The following SRP14 variants were observed in gnomAD, a reference collection of about 807,000 sequenced individuals.
SRP14 encodes signal recognition particle 14.
SRP14 carries 1 observed loss-of-function variant against 16.0 expected under a neutral mutation model. The observed-to-expected ratio is 0.06, with a 90% CI of 0.02 to 0.30. The LOEUF (loss-of-function observed/expected upper bound fraction) is 0.30. SRP14 is among the 10% of genes least tolerant of loss of function. The pLI, the probability that SRP14 is intolerant of heterozygous loss-of-function variation, is 1.00. For missense variants in SRP14, 120 were observed against 163.1 expected (o/e 0.74, Z 1.44); for synonymous variants, 67 against 60.1 (o/e 1.12, Z -0.53).
Position 40,039,076 on chromosome 15 carries a change from G to A in SRP14, c.24+17C>T. The stretch of plus-strand genomic sequence containing the variant: ...CTGAGCCGCCCCCTTCCCTCGGCCG[G>A]CCAGGCCTAGCCATACCTGCTCGCT... On this transcript the variant is annotated intron_variant, in intron 1 of 4. Transcript: ENST00000267884. 1 of 1,607,066 alleles carries A rather than the reference G, an allele frequency of 6.2e-7. No homozygotes were observed. Among genetic ancestry groups the A allele is most frequent in the Non-Finnish European group, 8.5e-7 (1 of 1,177,696 alleles).
At position 40,035,958 on chromosome 15, in the gene SRP14, A is replaced by G. The variant is rs572214633; in HGVS notation, c.*375T>C. 1.3e-4 allele frequency: 25 copies of G among 198,270 alleles called. No individual in the cohort carries two copies. In the East Asian group the frequency reaches 3.1e-3, roughly 25 times the overall value. 12.3% of individuals were successfully genotyped at this position (198,270 alleles called of 1,614,324 possible). On this transcript the variant is annotated 3_prime_UTR_variant, in exon 5 of 5. Coordinates refer to ENST00000267884, the MANE Select transcript of SRP14 (RefSeq NM_003134.6). Reference sequence around the variant, plus strand: ...AGAAGATATTATAGAGCTAAAGCCTATTCATTAATCACATCATTCTAGATT... The same window carrying G: ...AGAAGATATTATAGAGCTAAAGCCTGTTCATTAATCACATCATTCTAGATT...
chr15:40,037,278 G>GTAAAAAAAAAAAA, intron 3 of SRP14: 10 of 193,432 alleles, frequency 5.2e-5, no homozygotes, highest in African/African-American at 4.6e-4. Context: ...CTCCTTTTGG[G>GTAAAAAAAAAAAA]GAAAAAAAAA....
In SRP14 at chr15:40,036,388, G is replaced by A. The variant is rs1174955857; in HGVS notation, c.356C>T (p.Ala119Val). Residue 119 changes from alanine to valine, a missense_variant, in exon 5 of 5, where the codon GCA (alanine) becomes GTA (valine). Coordinates refer to ENST00000267884, the MANE Select transcript of SRP14 (RefSeq NM_003134.6). ...AAAAAAAAPA[A>V]AATAPTTAAT... ...TGCTGTTGTTGGTGCTGTTGCTGCTGCGGCAGGTGCTGCTGCTGCTGCTGC... is the reference window on the plus strand; with the variant it reads ...TGCTGTTGTTGGTGCTGTTGCTGCTACGGCAGGTGCTGCTGCTGCTGCTGC... The A allele has an allele frequency of 7.4e-6, 12 of 1,613,572 alleles. No individual in the cohort carries two copies. Among genetic ancestry groups the A allele is most frequent in the Non-Finnish European group, 1.0e-5 (12 of 1,179,656 alleles).
In SRP14 at chr15:40,036,051, A is replaced by T. The variant is rs1436996658; in HGVS notation, c.*282T>A. 3 of 470,846 alleles carry T rather than the reference A, an allele frequency of 6.4e-6. No individual in the cohort carries two copies. Among genetic ancestry groups the T allele is most frequent in the Admixed American group, 3.7e-5 (1 of 26,998 alleles). The allele number at this position is 470,846 out of a possible 1,614,324, so 29.2% of individuals were successfully genotyped here. ...ATAAAGAGACAGTGCTGATAAACAG[A>T]CATGTTTAATGATAGCTTGCTCTTC... is the stretch of plus-strand genomic sequence containing the variant. On this transcript the variant is annotated 3_prime_UTR_variant, in exon 5 of 5. Transcript: ENST00000267884.
At chr15:40,038,197 A>G (rs2035659878) in intron 3 of SRP14, 85 bp downstream of exon 3, 2 of 1,133,488 alleles carry the variant, frequency 1.8e-6, no homozygotes, top group East Asian at 2.3e-5. Flanking sequence ...GGAAAAACAA[A>G]TAAAAGCCTG....
chr15:40,038,412 T>G lies in SRP14; in HGVS notation c.98-18A>C. On this transcript the variant is annotated intron_variant, in intron 2 of 4. Coordinates refer to ENST00000267884, the MANE Select transcript of SRP14 (RefSeq NM_003134.6). The stretch of plus-strand genomic sequence containing the variant: ...ACCGTCATCTGAAGGAAAAAATGCA[T>G]CCTGGTGAACACGGCCGCGTACGTG... The G allele has an allele frequency of 1.3e-6, 2 of 1,566,552 alleles. No homozygotes were observed. Among genetic ancestry groups the G allele is most frequent in the Non-Finnish European group, 1.8e-6 (2 of 1,136,614 alleles).
Position 40,037,370 on chromosome 15 carries a change from A to G in SRP14, c.211-352T>C, listed in dbSNP as rs767523062. ...CTCCCTGGGTTCTGAGAAAAGTCAG[A>G]GGACTTCTCAGTATTAATTTTTTAT... On this transcript the variant is annotated intron_variant, in intron 3 of 4. Transcript: ENST00000267884. 1.6e-5 allele frequency: 20 copies of G among 1,279,272 alleles called. No homozygotes were observed. In the South Asian group the frequency reaches 2.8e-4, roughly 18 times the overall value. 79.2% of individuals were successfully genotyped at this position (1,279,272 alleles called of 1,614,324 possible).
intron 2 of SRP14, 106 bp downstream of exon 2, chr15:40,038,770 G>T: frequency 8.2e-7 from 1 of 1,222,322 alleles, no homozygotes; most frequent in Non-Finnish European, 1.2e-6. Context: ...TCAGTACAGG[G>T]TGGGGAAAGG....
chr15:40,039,142 C>A lies in SRP14; in HGVS notation c.-26G>T. On this transcript the variant is annotated 5_prime_UTR_variant, in exon 1 of 5. Coordinates refer to ENST00000267884, the MANE Select transcript of SRP14 (RefSeq NM_003134.6). ...CGCGGCGACGCTGGCTCGACTCCCT[C>A]CGCTTAAGCCCCTAGCAGTGAGAGC... is the stretch of plus-strand genomic sequence containing the variant. 1.2e-6 allele frequency: 2 copies of A among 1,605,836 alleles called. No individual in the cohort carries two copies. Among genetic ancestry groups the A allele is most frequent in the Non-Finnish European group, 1.7e-6 (2 of 1,177,522 alleles).
chr15:40,037,279 G>GGAA lies in SRP14; in HGVS notation c.211-262_211-261insTTC, dbSNP rs1555424355. On this transcript the variant is annotated intron_variant, in intron 3 of 4. Coordinates refer to ENST00000267884, the MANE Select transcript of SRP14 (RefSeq NM_003134.6). ...TGAAAGGCAGTAGGCTCCTTTTGGG[G>GGAA]AAAAAAAAAAAAAAAGCTTTGTTTC... 5.6e-5 allele frequency: 42 copies of GGAA among 749,976 alleles called. No individual in the cohort carries two copies. The African/African-American group carries it at 5.7e-4, about 10-fold the overall frequency. The allele number at this position is 749,976 out of a possible 1,614,324, so 46.5% of individuals were successfully genotyped here.
At chr15:40,038,203 GC>G in intron 3 of SRP14, 78 bp downstream of exon 3, 1 of 1,163,664 alleles carries the variant, frequency 8.6e-7, no homozygotes, top group South Asian at 1.3e-5. Context: ...ACAAATAAAA[GC>G]CTGGTTCAGA....
intron 3 of SRP14, chr15:40,037,358 G>C (rs774510546): frequency 1.3e-5 from 17 of 1,293,104 alleles, no homozygotes; most frequent in Middle Eastern, 2.1e-4. Flanking sequence ...CCTGGGTTCT[G>C]AGAAAAGTCA....
intron 2 of SRP14, 74 bp downstream of exon 2, chr15:40,038,802 G>C: frequency 6.5e-7 from 1 of 1,529,868 alleles, no homozygotes; most frequent in East Asian, 2.3e-5. Flanking sequence ...GGCGGTCCGC[G>C]GCAGACAGAC....
chr15:40,038,696 C>G, intron 2 of SRP14, 180 bp downstream of exon 2: 1 of 671,364 alleles, frequency 1.5e-6, no homozygotes, highest in Non-Finnish European at 2.5e-6. Context: ...CTAGGCGGCT[C>G]AGTGCTGGGG....
At chr15:40,038,705 G>C in intron 2 of SRP14, 171 bp downstream of exon 2, 1 of 710,578 alleles carries the variant, frequency 1.4e-6, no homozygotes, top group Non-Finnish European at 2.3e-6. Flanking sequence ...TCAGTGCTGG[G>C]GACTGAGCCA....
Position 40,038,935 on chromosome 15 carries a change from A to T in SRP14, c.38T>A (p.Leu13Gln). Residue 13 changes from leucine (L) to glutamine (Q), a missense_variant, in exon 2 of 5, where the codon CTG becomes CAG. Physicochemically the swap from Leu to Gln is moderately radical, Grantham distance 113. Transcript: ENST00000267884. ...LLESEQFLTE[L>Q]TRLFQKCRTS... is the part of the protein sequence containing the mutation. Reference sequence around the variant, plus strand: ...CCGGCACTTCTGGAAAAGTCTGGTCAGCTCCGTCAGGAACTGGAAAACAAC... The same window carrying T: ...CCGGCACTTCTGGAAAAGTCTGGTCTGCTCCGTCAGGAACTGGAAAACAAC... The T allele has an allele frequency of 6.2e-7, 1 of 1,612,802 alleles. No homozygotes were observed. The highest frequency in any genetic ancestry group is 8.5e-7 in the Non-Finnish European group (1 of 1,179,488).
chr15:40,036,138 A>G lies in SRP14; in HGVS notation c.*195T>C. ...AGGAGTATATAACCATGCAGCACAG[A>G]CCAATTAGCCAAATGCAAAATAAAC... is the stretch of plus-strand genomic sequence containing the variant. On this transcript the variant is annotated 3_prime_UTR_variant, in exon 5 of 5. Coordinates refer to ENST00000267884, the MANE Select transcript of SRP14 (RefSeq NM_003134.6). The G allele has an allele frequency of 2.2e-6, 2 of 928,316 alleles. No individual in the cohort carries two copies. Among genetic ancestry groups the G allele is most frequent in the Non-Finnish European group, 3.2e-6 (2 of 619,794 alleles). The allele number at this position is 928,316 out of a possible 1,614,324, so 57.5% of individuals were successfully genotyped here. A position where few individuals can be genotyped will look rare whatever the true frequency, so the allele number is the denominator to read the frequency against.
rs2035615666 is a variant in SRP14 at position 40,036,111 on chromosome 15, C to T, written c.*222G>A. On this transcript the variant is annotated 3_prime_UTR_variant, in exon 5 of 5. Transcript: ENST00000267884. ...TCTACAGAGACTTTTAATCTATAAT[C>T]CAGGAGTATATAACCATGCAGCACA... 1.5e-6 allele frequency: 1 copy of T among 672,678 alleles called. No individual in the cohort carries two copies. Among genetic ancestry groups the T allele is most frequent in the African/African-American group, 1.8e-5 (1 of 55,362 alleles). 41.7% of individuals were successfully genotyped at this position (672,678 alleles called of 1,614,324 possible).
intron 3 of SRP14, chr15:40,037,408 G>T: frequency 8.7e-7 from 1 of 1,151,282 alleles, no homozygotes; most frequent in Non-Finnish European, 1.1e-6. Context: ...ATTAATAGAA[G>T]ATATATTTAA....
Sources: allele counts gnomAD v4.1 joint callset, GRCh38; gene constraint gnomAD v4.1.1; transcripts MANE v1.5; gene names NCBI Gene and HGNC (gene_info 2026-07-23, HGNC 2026-07-21).